CDH13: variants seen among roughly 807,000 people sequenced by gnomAD.
The protein encoded by CDH13 is cadherin 13.
A neutral mutation model predicts 63.8 loss-of-function variants in CDH13; 24 were observed. The ratio of observed to expected loss-of-function variants is 0.38; its 90% CI spans 0.27 to 0.53. The LOEUF (loss-of-function observed/expected upper bound fraction) is 0.53, where lower values mean the gene tolerates loss of function less well. CDH13 is among the 20% of genes least tolerant of loss of function. The pLI is 0.85. For missense variants in CDH13, 1,049 were observed against 903.1 expected (o/e 1.16, Z -2.07); for synonymous variants, 503 against 355.3 (o/e 1.42, Z -4.67).
At chr16:82,769,881 G>C (rs910190581) in intron 1 of CDH13, among the ~76,000 whole-genome samples, 1 of 152,212 alleles carries the variant, frequency 6.6e-6, no homozygotes, top group Non-Finnish European at 1.5e-5. Context: ...GGATAAGTCA[G>C]AGAGGAAATT....
intron 2 of CDH13, among the ~76,000 whole-genome samples, chr16:82,879,085 T>C (rs561978277): frequency 6.6e-6 from 1 of 152,212 alleles, no homozygotes; most frequent in East Asian, 1.9e-4. Context: ...CATATTCTGG[T>C]GGGATAAGCA....
chr16:83,722,827 T>A (rs1909875666), intron 10 of CDH13, among the ~76,000 whole-genome samples: 1 of 152,242 alleles, frequency 6.6e-6, no homozygotes, highest in South Asian at 2.1e-4. Context: ...AAAAGTGTAT[T>A]GCTAAGACAG....
At chr16:83,125,606 C>G (rs1273207980) in intron 4 of CDH13, 105 bp downstream of exon 4, 1 of 656,048 alleles carries the variant, frequency 1.5e-6, no homozygotes, top group Non-Finnish European at 2.8e-6. Context: ...TAGTCTTCAT[C>G]TGTCTATGAT....
At chr16:82,671,879 G>A (rs9937875) in intron 1 of CDH13, among the ~76,000 whole-genome samples, 8,167 of 152,182 alleles carry the variant, frequency 0.054, 265 homozygotes, top group Middle Eastern at 0.14. Context: ...AGAAAGTTGC[G>A]CACCTGAGAA....
intron 1 of CDH13, among the ~76,000 whole-genome samples, chr16:82,787,841 A>AGTGTGTGTGTGTGTGTGTTTGTGT (rs10528183): frequency 6.8e-6 from 1 of 146,654 alleles, no homozygotes; most frequent in Non-Finnish European, 1.5e-5. Flanking sequence ...GAAGGGAGGA[A>AGTGTGTGTGTGTGTGTGTTTGTGT]GTGTGTGTGT....
At chr16:83,740,843 C>A (rs1911988416) in intron 10 of CDH13, among the ~76,000 whole-genome samples, 1 of 152,234 alleles carries the variant, frequency 6.6e-6, no homozygotes, top group Non-Finnish European at 1.5e-5. Context: ...GACAACTCTT[C>A]TTGTCCACAT....
intron 11 of CDH13, among the ~76,000 whole-genome samples, chr16:83,751,007 A>G (rs1352132524): frequency 6.6e-6 from 1 of 150,800 alleles, no homozygotes; most frequent in Non-Finnish European, 1.5e-5. Flanking sequence ...AAAGCATTCT[A>G]GTAGAATAAA....
intron 1 of CDH13, among the ~76,000 whole-genome samples, chr16:82,735,095 A>G (rs1369241129): frequency 1.3e-5 from 2 of 152,206 alleles, no homozygotes; most frequent in Non-Finnish European, 2.9e-5. Flanking sequence ...GCTTTCATAT[A>G]TTCTCCATGG....
intron 10 of CDH13, among the ~76,000 whole-genome samples, chr16:83,746,175 C>G (rs1912564211): frequency 6.6e-6 from 1 of 152,138 alleles, no homozygotes; most frequent in East Asian, 1.9e-4. Flanking sequence ...GACAGAAGTC[C>G]AAAATCAGTC....
intron 7 of CDH13, among the ~76,000 whole-genome samples, chr16:83,596,239 G>T (rs1465780110): frequency 6.6e-6 from 1 of 152,174 alleles, no homozygotes; most frequent in Non-Finnish European, 1.5e-5. Context: ...GAAGAGGCAG[G>T]TTGCCTTCCT....
intron 4 of CDH13, among the ~76,000 whole-genome samples, chr16:83,193,518 G>T (rs540145227): frequency 1.3e-5 from 2 of 152,142 alleles, no homozygotes; most frequent in African/African-American, 4.8e-5. Flanking sequence ...ATAGGATGGG[G>T]AGGTATAAGG....
intron 7 of CDH13, among the ~76,000 whole-genome samples, chr16:83,547,653 G>C (rs1359033016): frequency 1.3e-5 from 2 of 152,206 alleles, no homozygotes; most frequent in Non-Finnish European, 2.9e-5. Context: ...TGGCTGCATA[G>C]TATTCCATGG....
chr16:83,288,404 T>A (rs918377276), intron 5 of CDH13, among the ~76,000 whole-genome samples: 5 of 152,214 alleles, frequency 3.3e-5, no homozygotes, highest in African/African-American at 4.8e-5. Flanking sequence ...GGAATCAAAT[T>A]AGGCATAAAG....
At chr16:82,894,377 C>T (rs1173940437) in intron 2 of CDH13, among the ~76,000 whole-genome samples, 1 of 152,186 alleles carries the variant, frequency 6.6e-6, no homozygotes, top group Non-Finnish European at 1.5e-5. Flanking sequence ...CGTGGTGGCT[C>T]AAGCCTGTAA....
intron 3 of CDH13, among the ~76,000 whole-genome samples, chr16:83,113,721 G>A (rs1467621335): frequency 6.6e-6 from 1 of 152,138 alleles, no homozygotes; most frequent in Non-Finnish European, 1.5e-5. Flanking sequence ...ATGGGTGGGG[G>A]GTTAACCAGG....
chr16:83,278,360 G>A (rs567730095), intron 5 of CDH13, among the ~76,000 whole-genome samples: 1 of 152,258 alleles, frequency 6.6e-6, no homozygotes, highest in South Asian at 2.1e-4. Context: ...TACCTTCTAA[G>A]CAAAAGGCAC....
At chr16:83,107,439 T>C (rs914321542) in intron 3 of CDH13, among the ~76,000 whole-genome samples, 7 of 152,162 alleles carry the variant, frequency 4.6e-5, no homozygotes, top group African/African-American at 1.7e-4. Flanking sequence ...GAGAAAAAAA[T>C]CCACCTTGGA....
intron 7 of CDH13, among the ~76,000 whole-genome samples, chr16:83,601,697 C>T (rs1031447184): frequency 5.9e-5 from 9 of 152,166 alleles, no homozygotes; most frequent in African/African-American, 1.9e-4. Flanking sequence ...ATGTGAGTTC[C>T]TAAAGCTGCC....
intron 2 of CDH13, among the ~76,000 whole-genome samples, chr16:82,865,551 G>A (rs187069397): frequency 6.6e-6 from 1 of 152,304 alleles, no homozygotes; most frequent in East Asian, 1.9e-4. Context: ...TTTTAGCCAT[G>A]GCCAAAATGC....
Sources: gnomAD v4.1 joint callset for allele counts (sites outside exome capture counted in the v4.1 genomes callset) on GRCh38, gnomAD v4.1.1 for gene constraint, MANE v1.5 for transcripts, NCBI Gene and HGNC (gene_info 2026-07-23, HGNC 2026-07-21) for gene names.